Variants in MACROD2 observed in about 807,000 individuals in gnomAD.
MACROD2 encodes ADP-ribose glycohydrolase MACROD2.
In MACROD2, 36 loss-of-function variants were observed where a neutral mutation model predicts 70.4. The observed-to-expected ratio is 0.51, with a 90% CI of 0.39 to 0.68. The LOEUF (loss-of-function observed/expected upper bound fraction) is 0.68, where lower values mean the gene tolerates loss of function less well. Ranked by LOEUF, MACROD2 falls within the 30% of genes least tolerant of loss-of-function variation. The probability of loss-of-function intolerance (pLI) is 0.00; values close to 1 mark genes in which losing one functional copy is unlikely to be tolerated. For synonymous variants in MACROD2, 172 were observed against 178.8 expected, an observed-to-expected ratio of 0.96 and a Z score of 0.30; for missense variants, 496 against 538.4, an observed-to-expected ratio of 0.92 and a Z score of 0.78.
At chr20:14,174,064 G>A (rs2081244512) in intron 3 of MACROD2, among the ~76,000 whole-genome samples, 1 of 152,172 alleles carries the variant, frequency 6.6e-6, no homozygotes, top group African/African-American at 2.4e-5. Flanking sequence ...CCTTGGTTGT[G>A]TTTTTGTGAA....
intron 6 of MACROD2, among the ~76,000 whole-genome samples, chr20:15,315,254 A>G (rs1203980624): frequency 6.6e-6 from 1 of 152,216 alleles, no homozygotes; most frequent in Non-Finnish European, 1.5e-5. Flanking sequence ...GAAAAATAGG[A>G]GAGAGAAAAA....
intron 8 of MACROD2, among the ~76,000 whole-genome samples, chr20:15,569,904 T>C (rs1427491198): frequency 6.6e-6 from 1 of 152,184 alleles, no homozygotes; most frequent in Non-Finnish European, 1.5e-5. Context: ...GGCACTTAGG[T>C]TGATTCCATA....
chr20:15,503,269 A>G (rs2047386479), intron 8 of MACROD2, among the ~76,000 whole-genome samples: 1 of 152,196 alleles, frequency 6.6e-6, no homozygotes, highest in Non-Finnish European at 1.5e-5. Flanking sequence ...AAAGAAGACA[A>G]GAATTGTGTT....
chr20:15,677,695 CCAACCAA>C (rs757297781), intron 8 of MACROD2, among the ~76,000 whole-genome samples: 2,901 of 22,298 alleles, frequency 0.13, 40 homozygotes, highest in African/African-American at 0.22. Flanking sequence ...AACCAACCAA[CCAACCAA>C]CCAAATACAT....
intron 6 of MACROD2, among the ~76,000 whole-genome samples, chr20:15,360,128 T>C (rs1279125401): frequency 5.3e-5 from 8 of 152,206 alleles, no homozygotes; most frequent in African/African-American, 1.9e-4. Flanking sequence ...TATTTTGGCT[T>C]TTCTCCACTC....
chr20:14,404,430 C>T (rs77871218), intron 3 of MACROD2, among the ~76,000 whole-genome samples: 3,361 of 152,126 alleles, frequency 0.022, 55 homozygotes, highest in Non-Finnish European at 0.037. Context: ...AGTTCGGGAC[C>T]AGCTTGGGTG....
intron 6 of MACROD2, among the ~76,000 whole-genome samples, chr20:15,274,324 T>A (rs2077372020): frequency 6.6e-6 from 1 of 152,246 alleles, no homozygotes; most frequent in Non-Finnish European, 1.5e-5. Context: ...GTTAGACTCC[T>A]GTGGCTCAAT....
chr20:15,482,107 C>T (rs1421054095), intron 7 of MACROD2, among the ~76,000 whole-genome samples: 2 of 152,182 alleles, frequency 1.3e-5, no homozygotes, highest in African/African-American at 4.8e-5. Context: ...CTGTCCTCTT[C>T]TCTGTTCTCT....
At chr20:15,170,558 C>T (rs2076415709) in intron 5 of MACROD2, among the ~76,000 whole-genome samples, 1 of 152,126 alleles carries the variant, frequency 6.6e-6, no homozygotes, top group South Asian at 2.1e-4. Flanking sequence ...AGAGTTAGGA[C>T]ATGCTGGCTC....
intron 5 of MACROD2, among the ~76,000 whole-genome samples, chr20:14,924,161 C>A (rs766398077): frequency 7.2e-5 from 11 of 152,048 alleles, no homozygotes; most frequent in Non-Finnish European, 1.5e-4. Flanking sequence ...AAAAATAATA[C>A]CATATGGAAA....
rs144606075 is a variant in MACROD2, at chr20:15,965,801, A to G, written c.908-1752A>G. On this transcript the variant is annotated intron_variant, in intron 12 of 17. Transcript: ENST00000684519. ...TTTAAAACAATTTGACATAAGTTAG[A>G]TAACAGTTTGGCAAATGTGTCTGTG... Among the ~76,000 whole-genome samples the G allele has an allele frequency of 4.7e-3, 716 of 152,324 alleles. 6 individuals carry two copies. Among genetic ancestry groups the G allele is most frequent in the African/African-American group, 0.016 (683 of 41,576 alleles).
intron 2 of MACROD2, among the ~76,000 whole-genome samples, chr20:14,072,048 A>G (rs1219707470): frequency 6.6e-6 from 1 of 152,230 alleles, no homozygotes; most frequent in Non-Finnish European, 1.5e-5. Context: ...GAAAACATAA[A>G]TAGAAGATAC....
chr20:15,324,692 C>G (rs1184604385), intron 6 of MACROD2, among the ~76,000 whole-genome samples: 1 of 152,122 alleles, frequency 6.6e-6, no homozygotes, highest in African/African-American at 2.4e-5. Flanking sequence ...GACTGGTGGC[C>G]TTCGAAGGAG....
intron 6 of MACROD2, among the ~76,000 whole-genome samples, chr20:15,396,707 A>G (rs1366447114): frequency 1.3e-5 from 2 of 152,134 alleles, no homozygotes; most frequent in Admixed American, 6.5e-5. Flanking sequence ...TGGCCTCTTG[A>G]CAGTATAGCA....
chr20:14,372,338 G>T (rs2083332990), intron 3 of MACROD2, among the ~76,000 whole-genome samples: 2 of 151,956 alleles, frequency 1.3e-5, no homozygotes, highest in Admixed American at 1.3e-4. Context: ...CTAGTAGTGA[G>T]CATATCAAAA....
intron 5 of MACROD2, chr20:14,757,879 A>G: frequency 2.1e-6 from 3 of 1,450,582 alleles, no homozygotes; most frequent in Non-Finnish European, 2.9e-6. Context: ...CTCGGCCTAA[A>G]GGTCTGAAGG....
At chr20:14,278,443 T>C (rs1488958301) in intron 3 of MACROD2, among the ~76,000 whole-genome samples, 1 of 152,202 alleles carries the variant, frequency 6.6e-6, no homozygotes, top group African/African-American at 2.4e-5. Context: ...AATTAATTGC[T>C]GTGAGTAGCC....
rs190722061 is a variant in MACROD2 at position 15,715,288 on chromosome 20, T to C, written c.646-147457T>C. 2.4e-4 allele frequency among the ~76,000 whole-genome samples: 36 copies of C among 152,262 alleles called. No individual in the cohort carries two copies. In the East Asian group the frequency reaches 6.7e-3, roughly 29 times the overall value. On this transcript the variant is annotated intron_variant, in intron 8 of 17. Transcript: ENST00000684519. Reference sequence around the variant, plus strand: ...TAAGAATGTGATGGTGTGCAGTCTTTTAAGTCATGTCAGCAAACGTGTATT... The same window carrying C: ...TAAGAATGTGATGGTGTGCAGTCTTCTAAGTCATGTCAGCAAACGTGTATT...
chr20:14,596,715 T>C (rs1982167110), intron 4 of MACROD2, among the ~76,000 whole-genome samples: 1 of 152,154 alleles, frequency 6.6e-6, no homozygotes, highest in Non-Finnish European at 1.5e-5. Context: ...TTTGATTCCT[T>C]GATATTACAC....
Sources: gnomAD v4.1 joint callset for allele counts (sites outside exome capture counted in the v4.1 genomes callset) on GRCh38, gnomAD v4.1.1 for gene constraint, MANE v1.5 for transcripts, NCBI Gene and HGNC (gene_info 2026-07-23, HGNC 2026-07-21) for gene names.